VTI1A: variants seen among roughly 807,000 people sequenced by gnomAD.
The protein encoded by VTI1A is vesicle transport through interaction with t-SNAREs homolog 1A.
A neutral mutation model predicts 34.9 loss-of-function variants in VTI1A; 22 were observed. The ratio of observed to expected loss-of-function variants is 0.63; its 90% CI spans 0.45 to 0.90. The LOEUF (loss-of-function observed/expected upper bound fraction) is 0.90. Ranked by LOEUF, VTI1A falls within the 40% of genes least tolerant of loss-of-function variation. The probability of loss-of-function intolerance (pLI) is 0.00; values close to 1 mark genes in which losing one functional copy is unlikely to be tolerated. For missense variants in VTI1A, 268 were observed against 275.6 expected, an observed-to-expected ratio of 0.97 and a Z score of 0.20; for synonymous variants, 87 against 97.3, an observed-to-expected ratio of 0.89 and a Z score of 0.62.
Position 112,818,493 on chromosome 10 carries a change from T to C in VTI1A, c.*3110T>C, listed in dbSNP as rs1853587276. On this transcript the variant is annotated 3_prime_UTR_variant, in exon 8 of 8. Coordinates refer to ENST00000393077, the MANE Select transcript of VTI1A (RefSeq NM_145206.4). Reference sequence around the variant, plus strand: ...TCTTTTCTTTAAAACTGTCAGATCATTTCAGTATTTCAAATCCGAGGAAAA... The same window carrying C: ...TCTTTTCTTTAAAACTGTCAGATCACTTCAGTATTTCAAATCCGAGGAAAA... The C allele has an allele frequency of 4.4e-6, 1 of 228,360 alleles. No individual in the cohort carries two copies. Among genetic ancestry groups the C allele is most frequent in the African/African-American group, 2.2e-5 (1 of 45,010 alleles). 14.1% of individuals were successfully genotyped at this position (228,360 alleles called of 1,614,324 possible).
intron 7 of VTI1A, among the ~76,000 whole-genome samples, chr10:112,714,782 C>T (rs1028999530): frequency 1.3e-5 from 2 of 152,006 alleles, no homozygotes; most frequent in Non-Finnish European, 2.9e-5. Context: ...GCTATTCGAT[C>T]AAAAAAACAC....
In VTI1A at chr10:112,464,584, C is replaced by T. The variant is rs773189000; in HGVS notation, c.191C>T (p.Pro64Leu). 2 of 1,612,928 alleles carry T rather than the reference C, an allele frequency of 1.2e-6. No individual in the cohort carries two copies. The highest frequency in any genetic ancestry group is 1.7e-6 in the Non-Finnish European group (2 of 1,179,236). Residue 64 changes from proline (P) to leucine (L), a missense_variant, in exon 3 of 8, where the codon CCC (proline) becomes CTC (leucine). Physicochemically the swap from Pro to Leu is moderately conservative, Grantham distance 98 (BLOSUM62 -3). Coordinates refer to ENST00000393077, the MANE Select transcript of VTI1A (RefSeq NM_145206.4). The stretch of plus-strand genomic sequence containing the variant: ...GATTTGGAAGTCCGAGAGATACCAC[C>T]CCAAAGTCGAGGGATGTACAGCAAC... Reference protein sequence around the residue: ...QMDLEVREIPPQSRGMYSNRM... With the variant: ...QMDLEVREIPLQSRGMYSNRM...
chr10:112,814,578 G>A (rs759852372), intron 7 of VTI1A, among the ~76,000 whole-genome samples: 3 of 152,160 alleles, frequency 2.0e-5, no homozygotes, highest in African/African-American at 4.8e-5. Flanking sequence ...CCCCATCAGC[G>A]TGCAGCCCAG....
intron 5 of VTI1A, among the ~76,000 whole-genome samples, chr10:112,579,101 A>G (rs993577131): frequency 2.0e-5 from 3 of 152,270 alleles, no homozygotes; most frequent in African/African-American, 7.2e-5. Flanking sequence ...AGATAATCCC[A>G]GAGACACACT....
chr10:112,639,112 A>G (rs180932877), intron 5 of VTI1A, among the ~76,000 whole-genome samples: 35 of 152,264 alleles, frequency 2.3e-4, no homozygotes, highest in African/African-American at 8.2e-4. Context: ...CAACAGACAG[A>G]AAGTTCAGAA....
At chr10:112,526,827 T>TATA (rs1247852056) in intron 3 of VTI1A, among the ~76,000 whole-genome samples, 11 of 152,202 alleles carry the variant, frequency 7.2e-5, no homozygotes, top group African/African-American at 2.4e-4. Flanking sequence ...TGTATGGAAC[T>TATA]ATATACAAGT....
intron 5 of VTI1A, among the ~76,000 whole-genome samples, chr10:112,626,965 G>T (rs547348417): frequency 1.1e-4 from 17 of 152,314 alleles, no homozygotes; most frequent in African/African-American, 3.8e-4. Flanking sequence ...TGCAAACACA[G>T]CTTGCTGAAA....
chr10:112,763,255 A>G (rs1314024796), intron 7 of VTI1A, among the ~76,000 whole-genome samples: 1 of 152,032 alleles, frequency 6.6e-6, no homozygotes, highest in Non-Finnish European at 1.5e-5. Context: ...CCTGGCTAAC[A>G]CGGTGAAACC....
intron 7 of VTI1A, among the ~76,000 whole-genome samples, chr10:112,700,726 A>G (rs1247892448): frequency 6.6e-6 from 1 of 152,240 alleles, no homozygotes; most frequent in Admixed American, 6.5e-5. Context: ...TCCCCTAATC[A>G]TTCCTGGTTA....
chr10:112,651,373 C>T (rs139015512), intron 5 of VTI1A, among the ~76,000 whole-genome samples: 1,946 of 152,260 alleles, frequency 0.013, 40 homozygotes, highest in African/African-American at 0.043. Flanking sequence ...TGCAGTGGTG[C>T]GATCTCCGCT....
At chr10:112,803,696 G>A (rs1229136470) in intron 7 of VTI1A, among the ~76,000 whole-genome samples, 5 of 152,170 alleles carry the variant, frequency 3.3e-5, no homozygotes, top group Non-Finnish European at 7.4e-5. Context: ...AGCCCAGGAG[G>A]TGAAGGCTGC....
At chr10:112,539,274 C>G (rs1379471216) in intron 5 of VTI1A, among the ~76,000 whole-genome samples, 1 of 152,072 alleles carries the variant, frequency 6.6e-6, no homozygotes, top group African/African-American at 2.4e-5. Flanking sequence ...TTTGTAAGAA[C>G]AGGTATGATG....
intron 5 of VTI1A, among the ~76,000 whole-genome samples, chr10:112,591,071 A>G (rs1254678432): frequency 6.6e-6 from 1 of 152,218 alleles, no homozygotes; most frequent in Non-Finnish European, 1.5e-5. Flanking sequence ...ACTGCACTCC[A>G]GCCTGGTCAA....
chr10:112,664,396 A>G (rs75982605), intron 5 of VTI1A, among the ~76,000 whole-genome samples: 8 of 151,898 alleles, frequency 5.3e-5, no homozygotes, highest in Admixed American at 5.2e-4. Flanking sequence ...AATTTTTTTT[A>G]AAAAAAAGAG....
intron 5 of VTI1A, among the ~76,000 whole-genome samples, chr10:112,631,988 A>G (rs550113573): frequency 1.3e-5 from 2 of 152,330 alleles, no homozygotes; most frequent in South Asian, 4.1e-4. Flanking sequence ...AAATTCCACA[A>G]TATGGTAATT....
At chr10:112,565,603 C>T in intron 5 of VTI1A, among the ~76,000 whole-genome samples, 1 of 152,110 alleles carries the variant, frequency 6.6e-6, no homozygotes, top group Non-Finnish European at 1.5e-5. Flanking sequence ...ACACGACTGG[C>T]TGTAGTTTGC....
chr10:112,474,536 G>T (rs1222078975), intron 3 of VTI1A, among the ~76,000 whole-genome samples: 3 of 150,536 alleles, frequency 2.0e-5, no homozygotes, highest in African/African-American at 7.4e-5. Context: ...GATCACAGTA[G>T]CCTTGACCTC....
intron 7 of VTI1A, among the ~76,000 whole-genome samples, chr10:112,805,026 A>T (rs1853023403): frequency 2.8e-5 from 4 of 142,880 alleles, no homozygotes. Context: ...ACGCCTGGCT[A>T]TTTTTTTTTT....
intron 5 of VTI1A, among the ~76,000 whole-genome samples, chr10:112,636,857 TAAAC>T (rs1445079203): frequency 6.7e-6 from 1 of 149,390 alleles, no homozygotes; most frequent in Non-Finnish European, 1.5e-5. Context: ...AAAGAGAAAA[TAAAC>T]AACCATAGCA....
Sources: gnomAD v4.1 joint callset for allele counts (sites outside exome capture counted in the v4.1 genomes callset) on GRCh38, gnomAD v4.1.1 for gene constraint, MANE v1.5 for transcripts, NCBI Gene and HGNC (gene_info 2026-07-23, HGNC 2026-07-21) for gene names.